GAREM1: variants seen among roughly 807,000 people sequenced by gnomAD.
GAREM1 encodes the protein GRB2-associated and regulator of MAPK protein 1.
A neutral mutation model predicts 71.3 loss-of-function variants in GAREM1; 26 were observed. That is an observed-to-expected ratio of 0.36 (90% CI 0.27 to 0.51). GAREM1 has a LOEUF of 0.51. GAREM1 is among the 20% of genes least tolerant of loss of function. The pLI is 0.95. For missense variants in GAREM1, 1,026 were observed against 1,103.1 expected, an observed-to-expected ratio of 0.93 and a Z score of 0.99; for synonymous variants, 440 against 433.2, an observed-to-expected ratio of 1.02 and a Z score of -0.20.
At chr18:32,351,055 G>A (rs902112510) in intron 2 of GAREM1, among the ~76,000 whole-genome samples, 4 of 151,994 alleles carry the variant, frequency 2.6e-5, no homozygotes, top group Admixed American at 1.3e-4. Context: ...TGAACTTCTG[G>A]TCCTTCTGAT....
chr18:32,280,578 A>G (rs1449253734), intron 4 of GAREM1, among the ~76,000 whole-genome samples: 10 of 152,188 alleles, frequency 6.6e-5, no homozygotes. Context: ...TGCTATTGGG[A>G]TCCACAGGGT....
intron 2 of GAREM1, among the ~76,000 whole-genome samples, chr18:32,312,714 C>T (rs572470802): frequency 6.6e-6 from 1 of 152,266 alleles, no homozygotes; most frequent in East Asian, 1.9e-4. Flanking sequence ...TGCTTGCATG[C>T]TGATGGGAAT....
At chr18:32,364,287 AGCCTC>A (rs1293012995) in intron 2 of GAREM1, among the ~76,000 whole-genome samples, 2 of 151,294 alleles carry the variant, frequency 1.3e-5, no homozygotes, top group Non-Finnish European at 2.9e-5. Context: ...TGCTTGCCTC[AGCCTC>A]CCAAAGTGCT....
intron 1 of GAREM1, among the ~76,000 whole-genome samples, chr18:32,436,508 A>C (rs2048680419): frequency 6.6e-6 from 1 of 152,202 alleles, no homozygotes; most frequent in Non-Finnish European, 1.5e-5. Flanking sequence ...AAGGTTACAA[A>C]ATTAGAAGCC....
intron 1 of GAREM1, among the ~76,000 whole-genome samples, chr18:32,448,834 T>C (rs1001633937): frequency 2.6e-5 from 4 of 152,178 alleles, no homozygotes; most frequent in Admixed American, 2.6e-4. Flanking sequence ...ACATTCAAAA[T>C]AGAAAACCTT....
intron 2 of GAREM1, among the ~76,000 whole-genome samples, chr18:32,334,814 C>G (rs537712667): frequency 6.6e-6 from 1 of 152,308 alleles, no homozygotes; most frequent in South Asian, 2.1e-4. Context: ...TCCCATGATT[C>G]CATTTCCCTC....
chr18:32,439,479 T>C (rs2048713187), intron 1 of GAREM1, among the ~76,000 whole-genome samples: 1 of 152,136 alleles, frequency 6.6e-6, no homozygotes, highest in African/African-American at 2.4e-5. Context: ...GATAAGGTGA[T>C]GCTCCAGGGG....
intron 2 of GAREM1, among the ~76,000 whole-genome samples, chr18:32,335,376 G>A (rs2047580130): frequency 6.6e-6 from 1 of 152,200 alleles, no homozygotes; most frequent in Non-Finnish European, 1.5e-5. Flanking sequence ...ACATGGTCAA[G>A]CTGCAAGTGA....
intron 1 of GAREM1, chr18:32,412,991 A>G (rs1402158122): frequency 7.5e-6 from 12 of 1,592,612 alleles, no homozygotes; most frequent in Non-Finnish European, 1.0e-5. Context: ...CCACAGTGGC[A>G]TATGTGACAA....
intron 3 of GAREM1, among the ~76,000 whole-genome samples, chr18:32,291,183 T>C (rs1192371651): frequency 6.6e-6 from 1 of 151,904 alleles, no homozygotes; most frequent in Non-Finnish European, 1.5e-5. Context: ...AAGGAATGCA[T>C]ATGAAATGAC....
intron 1 of GAREM1, among the ~76,000 whole-genome samples, chr18:32,454,387 T>C (rs1446797046): frequency 6.6e-6 from 1 of 151,782 alleles, no homozygotes; most frequent in African/African-American, 2.4e-5. Flanking sequence ...ATTTCAGAGA[T>C]ATGAAAATGT....
intron 3 of GAREM1, among the ~76,000 whole-genome samples, chr18:32,294,108 T>C (rs1051543626): frequency 1.3e-5 from 2 of 152,092 alleles, no homozygotes; most frequent in Admixed American, 6.6e-5. Flanking sequence ...TCTGACCAAA[T>C]TGGAATCAGG....
chr18:32,310,815 G>C (rs757199602), intron 2 of GAREM1, among the ~76,000 whole-genome samples: 3 of 151,852 alleles, frequency 2.0e-5, no homozygotes, highest in Admixed American at 6.6e-5. Flanking sequence ...TGGATTCCTG[G>C]CTTTCACATA....
chr18:32,393,935 A>C (rs563525727), intron 1 of GAREM1, among the ~76,000 whole-genome samples: 39 of 152,320 alleles, frequency 2.6e-4, no homozygotes, highest in African/African-American at 9.1e-4. Flanking sequence ...TTTTGACACT[A>C]TATTACAGTA....
chr18:32,447,703 C>A (rs899607985), intron 1 of GAREM1, among the ~76,000 whole-genome samples: 2 of 152,100 alleles, frequency 1.3e-5, no homozygotes. Context: ...AACTTTAGTA[C>A]TAAAAGTACC....
intron 3 of GAREM1, among the ~76,000 whole-genome samples, chr18:32,304,833 C>T (rs1412653091): frequency 1.3e-5 from 2 of 152,140 alleles, no homozygotes; most frequent in African/African-American, 2.4e-5. Flanking sequence ...CAGTCCAACT[C>T]ACTCTGTAGA....
Position 32,287,140 on chromosome 18 carries a change from C to G in GAREM1, c.1457G>C (p.Arg486Pro). 1 of 1,614,214 alleles carries G rather than the reference C, an allele frequency of 6.2e-7. No individual in the cohort carries two copies. Among genetic ancestry groups the G allele is most frequent in the Non-Finnish European group, 8.5e-7 (1 of 1,180,030 alleles). ...NRCDQFRGSV[R>P]SKCATSPLPI... ...AAGAGGAGAAGTCGCACATTTGGAT[C>G]GGACAGAACCTCTAAACTGATCACA... Residue 486 changes from arginine (R) to proline (P), a missense_variant, in exon 4 of 6, where the codon CGA (arginine) becomes CCA (proline). Physicochemically the swap from Arg to Pro is moderately radical, Grantham distance 103. This residue lies in a region of GAREM1 where 636 missense variants were observed against 631.2 expected (regional missense o/e 1.01). Coordinates refer to ENST00000269209, the MANE Select transcript of GAREM1 (RefSeq NM_001242409.2). The surrounding 1 kb of genome is among the most constrained non-coding windows in gnomAD (Gnocchi z 5.9).
In GAREM1 at chr18:32,401,700, C is replaced by T. The variant is rs185631701; in HGVS notation, c.122-8665G>A. 1.8e-4 allele frequency among the ~76,000 whole-genome samples: 28 copies of T among 152,146 alleles called. No individual in the cohort carries two copies. The East Asian group carries it at 5.0e-3, about 27-fold the overall frequency. Reference sequence around the variant, plus strand: ...GAAGAGAGAAACCAGAGCCATGGGGCGTATGCAGAAAACCCAGAGGTAGAA... The same window carrying T: ...GAAGAGAGAAACCAGAGCCATGGGGTGTATGCAGAAAACCCAGAGGTAGAA... On this transcript the variant is annotated intron_variant, in intron 1 of 5. Coordinates refer to ENST00000269209, the MANE Select transcript of GAREM1 (RefSeq NM_001242409.2).
At chr18:32,298,219 T>C (rs1460407906) in intron 3 of GAREM1, among the ~76,000 whole-genome samples, 1 of 152,186 alleles carries the variant, frequency 6.6e-6, no homozygotes, top group Non-Finnish European at 1.5e-5. Flanking sequence ...CTTCCAACTC[T>C]GAAGTCATTA....
Sources: gnomAD v4.1 joint callset for allele counts (sites outside exome capture counted in the v4.1 genomes callset) on GRCh38, gnomAD v4.1.1 for gene constraint, gnomAD v4.1.1 regional missense constraint, Gnocchi (gnomAD v3.1) non-coding constraint, MANE v1.5 for transcripts, NCBI Gene and HGNC (gene_info 2026-07-23, HGNC 2026-07-21) for gene names.